PI4K2A: variants seen among roughly 807,000 people sequenced by gnomAD.
PI4K2A encodes phosphatidylinositol 4-kinase type 2 alpha.
PI4K2A carries 20 observed loss-of-function variants against 55.0 expected under a neutral mutation model. That is an observed-to-expected ratio of 0.36 (90% CI 0.26 to 0.53). PI4K2A has a LOEUF of 0.53. PI4K2A is among the 20% of genes least tolerant of loss of function. The pLI is 0.91. For synonymous variants in PI4K2A, 235 were observed against 258.5 expected (o/e 0.91, Z 0.87); for missense variants, 463 against 637.1 (o/e 0.73, Z 2.94).
At chr10:97,653,458 G>A (rs973378767) in intron 2 of PI4K2A, among the ~76,000 whole-genome samples, 5 of 152,170 alleles carry the variant, frequency 3.3e-5, no homozygotes, top group Admixed American at 1.3e-4. Flanking sequence ...CAGGCACAAC[G>A]TAAACCCTCC....
chr10:97,662,307 C>G (rs142836265), intron 4 of PI4K2A, among the ~76,000 whole-genome samples: 16 of 151,980 alleles, frequency 1.1e-4, no homozygotes, highest in African/African-American at 3.9e-4. Context: ...CTTTGTGTAC[C>G]TGGTTGTTTT....
intron 8 of PI4K2A, among the ~76,000 whole-genome samples, chr10:97,668,004 A>G (rs1258062872): frequency 6.6e-6 from 1 of 152,172 alleles, no homozygotes; most frequent in Non-Finnish European, 1.5e-5. Flanking sequence ...TTCACCTTCA[A>G]AGGGAGCTAA....
rs140529518 is a variant in PI4K2A at position 97,641,606 on chromosome 10, G to A, written c.435+429G>A. 4.4e-3 allele frequency among the ~76,000 whole-genome samples: 663 copies of A among 152,278 alleles called. 8 individuals carry two copies. The highest frequency in any genetic ancestry group is 0.015 in the African/African-American group (624 of 41,542). ...TGTCGCTGTTCACGGAGGAGGATGG[G>A]TGACCTATCAGGGGATCTGAGAATT... On this transcript the variant is annotated intron_variant, in intron 1 of 8. Coordinates refer to ENST00000370631, the Ensembl canonical transcript of PI4K2A.
intron 2 of PI4K2A, among the ~76,000 whole-genome samples, chr10:97,655,092 G>C (rs148632249): frequency 6.6e-6 from 1 of 152,026 alleles, no homozygotes; most frequent in Non-Finnish European, 1.5e-5. Context: ...AAAAGGGCCC[G>C]GGCACAGTGG....
In PI4K2A at chr10:97,665,661, C is replaced by T. The variant is rs182068416; in HGVS notation, c.1084+677C>T. On this transcript the variant is annotated intron_variant, in intron 6 of 8. Transcript: ENST00000370631. ...AGGCTGGAGTGCAGTGGCGCGATCT[C>T]GGCTCACTGCAACCTCCTCCTCCTG... Among the ~76,000 whole-genome samples, 711 of 150,528 alleles carry T rather than the reference C, an allele frequency of 4.7e-3. 3 individuals are homozygous for T. The highest frequency in any genetic ancestry group is 0.019 in the East Asian group (98 of 5,062).
At chr10:97,672,725 CTTTTT>C (rs146627600) in intron 8 of PI4K2A, among the ~76,000 whole-genome samples, 1 of 83,978 alleles carries the variant, frequency 1.2e-5, no homozygotes, top group South Asian at 3.5e-4. Flanking sequence ...AGGGTCTGTT[CTTTTT>C]TTTTTTTTTT....
rs2041523994 is a variant in PI4K2A at position 97,650,215 on chromosome 10, G to T, written c.436-726G>T. 2.7e-5 allele frequency among the ~76,000 whole-genome samples: 4 copies of T among 147,818 alleles called. No individual in the cohort carries two copies. In the South Asian group the frequency reaches 8.7e-4, roughly 32 times the overall value. ...GTATCTTTCTGGAGGGCAGGAAGCA[G>T]TACCATATTGGCATTAGATGCTGCC... On this transcript the variant is annotated intron_variant, in intron 1 of 8. Coordinates refer to ENST00000370631, the Ensembl canonical transcript of PI4K2A.
At chr10:97,670,845 A>T (rs2041631311) in intron 8 of PI4K2A, among the ~76,000 whole-genome samples, 1 of 152,106 alleles carries the variant, frequency 6.6e-6, no homozygotes, top group South Asian at 2.1e-4. Context: ...CTAGTGTTTT[A>T]AAGAAGATAG....
At chr10:97,674,196 A>T (rs1256309278) in exon 9 of PI4K2A, 7 of 153,674 alleles carry the variant, frequency 4.6e-5, no homozygotes, top group African/African-American at 1.7e-4. Context: ...CCTGACATTC[A>T]GCTGCCTTGC....
exon 1 of PI4K2A, chr10:97,641,089 A>C: frequency 6.2e-7 from 1 of 1,608,638 alleles, no homozygotes; most frequent in African/African-American, 1.3e-5. Flanking sequence ...GTGGTGCGGC[A>C]GGCCGAGCTG....
chr10:97,670,895 T>G (rs992842790), intron 8 of PI4K2A, among the ~76,000 whole-genome samples: 1 of 152,082 alleles, frequency 6.6e-6, no homozygotes, highest in Non-Finnish European at 1.5e-5. Context: ...CCGAGCACTT[T>G]GGGAGGCCGA....
In PI4K2A at chr10:97,670,591, T is replaced by C. The variant is rs188933320; in HGVS notation, c.1279-2990T>C. On this transcript the variant is annotated intron_variant, in intron 8 of 8. Coordinates refer to ENST00000370631, the Ensembl canonical transcript of PI4K2A. ...TCCTTTTAGTTCTTCACCCCAATAT[T>C]GTGCTTCAGACTATTTGGAACAGTG... Among the ~76,000 whole-genome samples, 19 of 152,330 alleles carry C rather than the reference T, an allele frequency of 1.2e-4. No homozygotes were observed. The East Asian group carries it at 3.1e-3, about 25-fold the overall frequency.
intron 6 of PI4K2A, among the ~76,000 whole-genome samples, chr10:97,666,099 G>A (rs1387085441): frequency 1.3e-5 from 2 of 152,126 alleles, no homozygotes; most frequent in Non-Finnish European, 2.9e-5. Flanking sequence ...AGAAATAAAT[G>A]TAGGGAGTCA....
chr10:97,658,340 A>G (rs1029629831), intron 4 of PI4K2A, among the ~76,000 whole-genome samples: 1 of 152,218 alleles, frequency 6.6e-6, no homozygotes, highest in Non-Finnish European at 1.5e-5. Flanking sequence ...CTCAAGGTAC[A>G]TCTATGATGT....
intron 4 of PI4K2A, among the ~76,000 whole-genome samples, chr10:97,657,403 C>T (rs1431245220): frequency 6.6e-6 from 1 of 152,138 alleles, no homozygotes; most frequent in African/African-American, 2.4e-5. Context: ...TGTGGTGGCT[C>T]ATGCGTGTAC....
chr10:97,654,192 G>T (rs1441327303), intron 2 of PI4K2A, among the ~76,000 whole-genome samples: 1 of 152,176 alleles, frequency 6.6e-6, no homozygotes, highest in Non-Finnish European at 1.5e-5. Flanking sequence ...CATTAGTCAT[G>T]GGGAAAAAGT....
At chr10:97,666,599 AT>A in intron 7 of PI4K2A, 28 bp downstream of exon 7, 1 of 1,567,078 alleles carries the variant, frequency 6.4e-7, no homozygotes, top group Non-Finnish European at 8.6e-7. Context: ...CAGCCCTATT[AT>A]CATATGGGAG....
At chr10:97,658,966 C>G (rs908928859) in intron 4 of PI4K2A, among the ~76,000 whole-genome samples, 5 of 152,136 alleles carry the variant, frequency 3.3e-5, no homozygotes. Context: ...TTAAAGTTCT[C>G]TGTATATCTG....
At chr10:97,646,063 A>G (rs1239843669) in intron 1 of PI4K2A, among the ~76,000 whole-genome samples, 1 of 152,072 alleles carries the variant, frequency 6.6e-6, no homozygotes, top group Non-Finnish European at 1.5e-5. Context: ...TCATAATTCT[A>G]AGACTTTATT....
Sources: allele counts gnomAD v4.1 joint callset (sites outside exome capture counted in the v4.1 genomes callset), GRCh38; gene constraint gnomAD v4.1.1; transcripts MANE v1.5; gene names NCBI Gene and HGNC (gene_info 2026-07-23, HGNC 2026-07-21).